Variants in SP4 observed in about 807,000 individuals in gnomAD.
The protein encoded by SP4 is transcription factor Sp4.
A neutral mutation model predicts 72.8 loss-of-function variants in SP4; 19 were observed. The ratio of observed to expected loss-of-function variants is 0.26; its 90% CI spans 0.18 to 0.38. SP4 has a LOEUF of 0.38. SP4 is among the 10% of genes least tolerant of loss of function. The pLI is 1.00. For synonymous variants in SP4, 395 were observed against 333.1 expected (o/e 1.19, Z -2.02); for missense variants, 1,008 against 926.3 (o/e 1.09, Z -1.14).
intron 5 of SP4, among the ~76,000 whole-genome samples, chr7:21,490,218 A>C (rs1784940303): frequency 6.6e-6 from 1 of 152,204 alleles, no homozygotes; most frequent in African/African-American, 2.4e-5. Flanking sequence ...TTTCATAGAG[A>C]TCTTTTTCCC....
At chr7:21,461,454 G>T (rs762647905) in intron 3 of SP4, among the ~76,000 whole-genome samples, 2 of 152,192 alleles carry the variant, frequency 1.3e-5, no homozygotes, top group South Asian at 2.1e-4. Flanking sequence ...GGGACCCGGC[G>T]CATCCTCCGC....
chr7:21,498,629 C>A (rs1214808671), intron 5 of SP4, among the ~76,000 whole-genome samples: 1 of 152,258 alleles, frequency 6.6e-6, no homozygotes, highest in Middle Eastern at 3.4e-3. Flanking sequence ...TGAGGCAAGT[C>A]AACCCTCAAG....
In SP4 at chr7:21,512,412, G is replaced by A. The variant is rs935469993; in HGVS notation, c.*1143G>A. On this transcript the variant is annotated 3_prime_UTR_variant, in exon 6 of 6. Transcript: ENST00000222584. ...ATGTTTTTATGTTACATCAATAACTGAATTTTCCCTAAAAATTAGCCTAAT... is the reference window on the plus strand; with the variant it reads ...ATGTTTTTATGTTACATCAATAACTAAATTTTCCCTAAAAATTAGCCTAAT... The A allele has an allele frequency of 6.6e-6, 1 of 152,152 alleles. No homozygotes were observed. The highest frequency in any genetic ancestry group is 1.5e-5 in the Non-Finnish European group (1 of 67,970). The allele number at this position is 152,152 out of a possible 1,614,324, so 9.4% of individuals were successfully genotyped here.
chr7:21,458,020 C>T (rs903867499), intron 3 of SP4, among the ~76,000 whole-genome samples: 1 of 152,092 alleles, frequency 6.6e-6, no homozygotes, highest in Non-Finnish European at 1.5e-5. Flanking sequence ...GGCTAAATTA[C>T]TCTTAAGAGT....
chr7:21,440,851 AAACAACAACAAC>A (rs779338567), intron 3 of SP4, among the ~76,000 whole-genome samples: 6 of 138,494 alleles, frequency 4.3e-5, no homozygotes, highest in Non-Finnish European at 7.6e-5. Flanking sequence ...CCCTGTCTCA[AAACAACAACAAC>A]AACAACAACA....
Position 21,428,124 on chromosome 7 carries a change from T to A in SP4, c.-128T>A. 1 of 710,424 alleles carries A rather than the reference T, an allele frequency of 1.4e-6. No individual in the cohort carries two copies. 44.0% of individuals were successfully genotyped at this position (710,424 alleles called of 1,614,324 possible). A position where few individuals can be genotyped will look rare whatever the true frequency, so the allele number is the denominator to read the frequency against. ...CATTCGCGGAAAAAGAGGCAGAGCC[T>A]GTGCCAGCTACAGCCTCCTCCGAGC... On this transcript the variant is annotated 5_prime_UTR_variant, in exon 1 of 6. Coordinates refer to ENST00000222584, the MANE Select transcript of SP4 (RefSeq NM_003112.5).
chr7:21,487,989 G>A (rs1784866910), intron 5 of SP4, among the ~76,000 whole-genome samples: 3 of 151,814 alleles, frequency 2.0e-5, no homozygotes, highest in Admixed American at 6.6e-5. Flanking sequence ...TCAGCCTCCC[G>A]AGTAGCTGGG....
rs558959809 is a variant in SP4, at chr7:21,469,345, C to T, written c.1679-7734C>T. Among the ~76,000 whole-genome samples, 53 of 150,124 alleles carry T rather than the reference C, an allele frequency of 3.5e-4. 1 individual carries two copies. The highest frequency in any genetic ancestry group is 3.8e-3 in the Middle Eastern group (1 of 262). On this transcript the variant is annotated intron_variant, in intron 3 of 5. Transcript: ENST00000222584. Reference sequence around the variant, plus strand: ...ACATCAAAATGATAATAGTGGTAATCTATGGGTAATTACTTTCTGGATGAT... The same window carrying T: ...ACATCAAAATGATAATAGTGGTAATTTATGGGTAATTACTTTCTGGATGAT...
intron 5 of SP4, among the ~76,000 whole-genome samples, chr7:21,508,184 G>T (rs771693855): frequency 2.6e-5 from 4 of 152,090 alleles, no homozygotes; most frequent in Non-Finnish European, 4.4e-5. Flanking sequence ...TGCCCTCTCG[G>T]CTGGAGTCCC....
At chr7:21,505,827 C>G (rs750276627) in intron 5 of SP4, among the ~76,000 whole-genome samples, 4 of 152,100 alleles carry the variant, frequency 2.6e-5, no homozygotes, top group Non-Finnish European at 4.4e-5. Context: ...GTTAATCAAT[C>G]CCTCTATTAC....
intron 4 of SP4, among the ~76,000 whole-genome samples, chr7:21,478,985 T>A (rs1044811303): frequency 6.6e-6 from 1 of 151,806 alleles, no homozygotes; most frequent in African/African-American, 2.4e-5. Context: ...GGAGAATTGC[T>A]TGAACCCAGG....
chr7:21,493,932 A>G (rs1383853885), intron 5 of SP4, among the ~76,000 whole-genome samples: 2 of 152,332 alleles, frequency 1.3e-5, no homozygotes, highest in African/African-American at 2.4e-5. Context: ...CCAGCAATAT[A>G]TAAAAAGGAT....
At chr7:21,490,777 A>C (rs1057362690) in intron 5 of SP4, among the ~76,000 whole-genome samples, 1 of 152,196 alleles carries the variant, frequency 6.6e-6, no homozygotes, top group East Asian at 1.9e-4. Flanking sequence ...CAAGAACTAA[A>C]CATCTTAAAA....
At chr7:21,459,998 G>T (rs574746921) in intron 3 of SP4, among the ~76,000 whole-genome samples, 1 of 152,306 alleles carries the variant, frequency 6.6e-6, no homozygotes, top group East Asian at 1.9e-4. Context: ...GTAAAAGATG[G>T]TAATACTAAA....
intron 4 of SP4, among the ~76,000 whole-genome samples, chr7:21,479,335 T>G (rs569053953): frequency 6.6e-6 from 1 of 152,232 alleles, no homozygotes; most frequent in East Asian, 1.9e-4. Flanking sequence ...TGGGGTTAAT[T>G]TTTACGTATG....
chr7:21,430,903 T>C, intron 3 of SP4, 60 bp downstream of exon 3: 1 of 1,274,738 alleles, frequency 7.8e-7, no homozygotes, highest in Non-Finnish European at 1.1e-6. Context: ...ATTATTGCTT[T>C]TCTCTCCTAA....
At chr7:21,451,659 T>G (rs1411674438) in intron 3 of SP4, among the ~76,000 whole-genome samples, 1 of 152,132 alleles carries the variant, frequency 6.6e-6, no homozygotes, top group Non-Finnish European at 1.5e-5. Flanking sequence ...GTCCCACTGA[T>G]GGGCAGTCTA....
chr7:21,482,831 TA>T, intron 5 of SP4: 1 of 768,682 alleles, frequency 1.3e-6, no homozygotes. Context: ...CATATATGTA[TA>T]TTTGCATATA....
At chr7:21,461,115 A>G (rs977124021) in intron 3 of SP4, among the ~76,000 whole-genome samples, 2 of 152,252 alleles carry the variant, frequency 1.3e-5, no homozygotes, top group Non-Finnish European at 2.9e-5. Context: ...CACCAGACTC[A>G]GGAGCCCTGC....
Sources: allele counts gnomAD v4.1 joint callset (sites outside exome capture counted in the v4.1 genomes callset), GRCh38; gene constraint gnomAD v4.1.1; transcripts MANE v1.5; gene names NCBI Gene and HGNC (gene_info 2026-07-23, HGNC 2026-07-21).